INTS4: variants seen among roughly 807,000 people sequenced by gnomAD.
INTS4 encodes integrator complex subunit 4.
A neutral mutation model predicts 119.5 loss-of-function variants in INTS4; 70 were observed. That is an observed-to-expected ratio of 0.59 (90% CI 0.48 to 0.71). The LOEUF (loss-of-function observed/expected upper bound fraction) is 0.71, where lower values mean the gene tolerates loss of function less well. Ranked by LOEUF, INTS4 falls within the 30% of genes least tolerant of loss-of-function variation. INTS4 has a pLI of 0.00. For synonymous variants in INTS4, 316 were observed against 419.6 expected (o/e 0.75, Z 3.02); for missense variants, 867 against 1,173.2 (o/e 0.74, Z 3.81).
At chr11:77,974,427 G>C (rs1297919590) in intron 4 of INTS4, among the ~76,000 whole-genome samples, 1 of 151,634 alleles carries the variant, frequency 6.6e-6, no homozygotes, top group Non-Finnish European at 1.5e-5. Flanking sequence ...ATTTTTAGTA[G>C]AGACGGGGTT....
chr11:77,919,765 G>A (rs1226688565), intron 14 of INTS4, among the ~76,000 whole-genome samples: 1 of 152,114 alleles, frequency 6.6e-6, no homozygotes, highest in Non-Finnish European at 1.5e-5. Flanking sequence ...AGATGGATGG[G>A]GAGGAGAGAG....
intron 9 of INTS4, among the ~76,000 whole-genome samples, chr11:77,939,267 G>T (rs1319873649): frequency 1.3e-5 from 2 of 152,138 alleles, no homozygotes; most frequent in East Asian, 3.9e-4. Context: ...CACGAGGTCA[G>T]GAGATTGAGA....
At chr11:77,973,413 C>T (rs1051369124) in intron 4 of INTS4, among the ~76,000 whole-genome samples, 2 of 151,976 alleles carry the variant, frequency 1.3e-5, no homozygotes, top group African/African-American at 4.8e-5. Context: ...TTTTCTATGC[C>T]TAATATCCCT....
chr11:77,891,879 T>G, intron 19 of INTS4, 39 bp from the exon 20 acceptor site: 6 of 1,610,310 alleles, frequency 3.7e-6, no homozygotes, highest in Non-Finnish European at 5.1e-6. Flanking sequence ...CATTCAACTG[T>G]GCACTCATTC....
At chr11:77,977,887 GTTTT>G (rs568270926) in intron 4 of INTS4, 1 of 148,966 alleles carries the variant, frequency 6.7e-6, no homozygotes, top group Admixed American at 6.7e-5. Context: ...TGTTTTTTTT[GTTTT>G]TTTGTTTTTT....
intron 16 of INTS4, among the ~76,000 whole-genome samples, chr11:77,907,040 G>A (rs1463918996): frequency 1.3e-5 from 2 of 152,190 alleles, no homozygotes; most frequent in African/African-American, 4.8e-5. Context: ...TAAAAGCAAT[G>A]AAATCAACCT....
At chr11:77,982,091 C>T (rs1856258308) in intron 2 of INTS4, among the ~76,000 whole-genome samples, 1 of 151,704 alleles carries the variant, frequency 6.6e-6, no homozygotes, top group Non-Finnish European at 1.5e-5. Context: ...GTGAGTGTTG[C>T]AGCTACCACT....
At chr11:77,929,369 A>G (rs1352112100) in intron 10 of INTS4, among the ~76,000 whole-genome samples, 1 of 152,164 alleles carries the variant, frequency 6.6e-6, no homozygotes, top group Non-Finnish European at 1.5e-5. Flanking sequence ...CATGGACTTT[A>G]GTATCACAAG....
chr11:77,907,810 C>T lies in INTS4; in HGVS notation c.1923G>A (p.Arg641=), dbSNP rs1373812903. ...GAQELLEFTI[R]DLQRLGELQS... ...GAAGTTCTCCAAGTCTTTGCAGATC[C>T]CTATAGTAAATAAAACCCCCAAGGC... Residue 641 remains arginine, a splice_region_variant and synonymous_variant, in exon 16 of 23, where the codon AGG becomes AGA. Transcript: ENST00000534064. 15 of 1,603,486 alleles carry T rather than the reference C, an allele frequency of 9.4e-6. No homozygotes were observed. The highest frequency in any genetic ancestry group is 8.0e-5 in the African/African-American group (6 of 74,616).
downstream of INTS4, chr11:77,876,830 A>AT: frequency 1.7e-6 from 1 of 598,202 alleles, no homozygotes; most frequent in Non-Finnish European, 3.0e-6. Flanking sequence ...AACTTGGAGG[A>AT]TTTTTATAAA....
At chr11:77,931,127 T>A (rs1438787373) in intron 10 of INTS4, among the ~76,000 whole-genome samples, 1 of 152,150 alleles carries the variant, frequency 6.6e-6, no homozygotes, top group South Asian at 2.1e-4. Context: ...TATAGCTCAA[T>A]CAATGGGATC....
chr11:77,883,517 G>C (rs181391453), intron 22 of INTS4, among the ~76,000 whole-genome samples: 277 of 152,232 alleles, frequency 1.8e-3, no homozygotes, highest in African/African-American at 6.5e-3. Flanking sequence ...CAAGCAAGTC[G>C]GTGGCAGTTA....
At chr11:77,987,570 G>A (rs763636037) in intron 2 of INTS4, 2 of 437,556 alleles carry the variant, frequency 4.6e-6, no homozygotes, top group Admixed American at 2.5e-5. Context: ...CTTGAGAACA[G>A]AAATCCTGAT....
downstream of INTS4, chr11:77,876,936 A>G: frequency 1.4e-6 from 1 of 703,020 alleles, no homozygotes; most frequent in Non-Finnish European, 2.6e-6. Flanking sequence ...ATGGTTCTTC[A>G]TGTTTTTGTC....
At chr11:77,962,160 A>G (rs982237710) in intron 4 of INTS4, among the ~76,000 whole-genome samples, 5 of 152,180 alleles carry the variant, frequency 3.3e-5, no homozygotes, top group Non-Finnish European at 7.4e-5. Flanking sequence ...GCACACACCT[A>G]TAGTCCCAGC....
At chr11:77,936,588 T>A (rs1055403769) in intron 10 of INTS4, among the ~76,000 whole-genome samples, 1 of 152,098 alleles carries the variant, frequency 6.6e-6, no homozygotes, top group African/African-American at 2.4e-5. Flanking sequence ...CCTTATGTGG[T>A]CCAGGATGGA....
At chr11:77,910,949 G>A (rs1340278495) in intron 15 of INTS4, 2 of 1,244,908 alleles carry the variant, frequency 1.6e-6, no homozygotes, top group African/African-American at 3.1e-5. Flanking sequence ...ATTCTGAATA[G>A]AAATGGAAAC....
intron 9 of INTS4, 88 bp downstream of exon 9, chr11:77,941,092 C>T (rs1953919209): frequency 6.6e-7 from 1 of 1,518,162 alleles, no homozygotes; most frequent in Non-Finnish European, 8.8e-7. Context: ...TTAACAAATG[C>T]TGCTAAGTTA....
rs1288909193 is a variant in INTS4, at chr11:77,891,474, A to G, written c.2449-12T>C. 1.2e-6 allele frequency: 2 copies of G among 1,613,440 alleles called. No homozygotes were observed. ...GAGGCTTTGTGGATCTGTAAGCAAGAGGAAAATCCTATGATTTTAAAGCCA... is the reference window on the plus strand; with the variant it reads ...GAGGCTTTGTGGATCTGTAAGCAAGGGGAAAATCCTATGATTTTAAAGCCA... On this transcript the variant is annotated splice_polypyrimidine_tract_variant and intron_variant, in intron 20 of 22. Transcript: ENST00000534064.
Sources: gnomAD v4.1 joint callset for allele counts (sites outside exome capture counted in the v4.1 genomes callset) on GRCh38, gnomAD v4.1.1 for gene constraint, MANE v1.5 for transcripts, NCBI Gene and HGNC (gene_info 2026-07-23, HGNC 2026-07-21) for gene names.